STC2: variants seen among roughly 807,000 people sequenced by gnomAD.
STC2 encodes the protein stanniocalcin-2.
STC2 carries 7 observed loss-of-function variants against 22.7 expected under a neutral mutation model. That is an observed-to-expected ratio of 0.31 (90% confidence interval 0.18 to 0.58). The LOEUF is 0.58. Ranked by LOEUF, STC2 falls within the 20% of genes least tolerant of loss-of-function variation. The probability of loss-of-function intolerance (pLI) is 0.89; values close to 1 mark genes in which losing one functional copy is unlikely to be tolerated. For missense variants in STC2, 336 were observed against 406.2 expected (o/e 0.83, Z 1.48); for synonymous variants, 158 against 163.4 (o/e 0.97, Z 0.25).
At chr5:173,319,372 T>C (rs570785788) in intron 3 of STC2, among the ~76,000 whole-genome samples, 3 of 152,322 alleles carry the variant, frequency 2.0e-5, no homozygotes, top group African/African-American at 7.2e-5. Context: ...CTAACCAGCA[T>C]TCCTAGGCAG....
chr5:173,319,297 C>T (rs1242400029), intron 3 of STC2, among the ~76,000 whole-genome samples: 1 of 152,222 alleles, frequency 6.6e-6, no homozygotes, highest in African/African-American at 2.4e-5. Context: ...ACTCACTGAG[C>T]TTTTATTTTA....
At position 173,316,583 on chromosome 5, in the gene STC2, C is replaced by G. The variant is rs1419418329; in HGVS notation, c.*1264G>C. 6.6e-6 allele frequency: 1 copy of G among 151,998 alleles called. No homozygotes were observed. The highest frequency in any genetic ancestry group is 1.5e-5 in the Non-Finnish European group (1 of 68,018). The allele number at this position is 151,998 out of a possible 1,614,324, so 9.4% of individuals were successfully genotyped here. Reference sequence around the variant, plus strand: ...TCTCTTCTCTCTGCCTTTATTTGTCCCCTTGGACTCCTCTCCTTATTGCTA... The same window carrying G: ...TCTCTTCTCTCTGCCTTTATTTGTCGCCTTGGACTCCTCTCCTTATTGCTA... On this transcript the variant is annotated 3_prime_UTR_variant, in exon 4 of 4. Coordinates refer to ENST00000265087, the MANE Select transcript of STC2 (RefSeq NM_003714.3).
At position 173,317,816 on chromosome 5, in the gene STC2, G is replaced by A. The variant is rs781543591; in HGVS notation, c.*31C>T. 6.6e-7 allele frequency: 1 copy of A among 1,526,264 alleles called. No homozygotes were observed. Among genetic ancestry groups the A allele is most frequent in the South Asian group, 1.3e-5 (1 of 78,302 alleles). 94.5% of individuals were successfully genotyped at this position (1,526,264 alleles called of 1,614,324 possible). ...CATAGATAAGAAAATGGACGGCGTG[G>A]AGGAAAGATTTCGTGGCCAGGCCTT... On this transcript the variant is annotated 3_prime_UTR_variant, in exon 4 of 4. Transcript: ENST00000265087.
chr5:173,321,117 G>A (rs935437606), intron 3 of STC2, among the ~76,000 whole-genome samples: 1 of 151,948 alleles, frequency 6.6e-6, no homozygotes, highest in African/African-American at 2.4e-5. Context: ...AGGCTGGGGT[G>A]GGGGGTCATA....
rs559871891 is a variant in STC2 at position 173,321,127 on chromosome 5, A to G, written c.506+2092T>C. ...AGAGCAGGCTGGGGTGGGGGGTCAT[A>G]GGCTCATTCTGAATGGTGTGAGGAG... On this transcript the variant is annotated intron_variant, in intron 3 of 3. Coordinates refer to ENST00000265087, the MANE Select transcript of STC2 (RefSeq NM_003714.3). Among the ~76,000 whole-genome samples, 8 of 151,518 alleles carry G rather than the reference A, an allele frequency of 5.3e-5. 1 individual carries two copies. The South Asian group carries it at 1.7e-3, about 32-fold the overall frequency.
Position 173,317,562 on chromosome 5 carries a change from C to A in STC2, c.*285G>T. 1 of 245,244 alleles carries A rather than the reference C, an allele frequency of 4.1e-6. No individual in the cohort carries two copies. The highest frequency in any genetic ancestry group is 7.8e-6 in the Non-Finnish European group (1 of 127,842). 15.2% of individuals were successfully genotyped at this position (245,244 alleles called of 1,614,324 possible). ...CCCCCACAACAGAGCGGCCGACACC[C>A]ACTGACTCCACAGATGGAAAGAAGA... On this transcript the variant is annotated 3_prime_UTR_variant, in exon 4 of 4. Transcript: ENST00000265087.
Position 173,325,859 on chromosome 5 carries a change from G to A in STC2, c.294+9C>T. The A allele has an allele frequency of 1.2e-6, 2 of 1,614,092 alleles. No homozygotes were observed. The highest frequency in any genetic ancestry group is 1.7e-6 in the Non-Finnish European group (2 of 1,179,986). On this transcript the variant is annotated intron_variant, in intron 2 of 3. Transcript: ENST00000265087. This position sits in a 1 kb window ranked among gnomAD's most constrained non-coding sequence, Gnocchi z 4.7. ...CCAAACATTCTTCATGCTCTGGATG[G>A]ATTTTTACCTGGGCATCAAATTTTC... is the stretch of plus-strand genomic sequence containing the variant.
At chr5:173,318,699 C>T (rs1279725336) in intron 3 of STC2, among the ~76,000 whole-genome samples, 1 of 152,168 alleles carries the variant, frequency 6.6e-6, no homozygotes, top group Non-Finnish European at 1.5e-5. Context: ...GACTTCCAAA[C>T]AGAGGATTCT....
At position 173,315,062 on chromosome 5, in the gene STC2, G is replaced by A. The variant is rs1310229277; in HGVS notation, c.*2785C>T. On this transcript the variant is annotated 3_prime_UTR_variant, in exon 4 of 4. Coordinates refer to ENST00000265087, the MANE Select transcript of STC2 (RefSeq NM_003714.3). ...GGTCCTCTCACTTCAGAATAACAGG[G>A]CTATTTATTGATACAAAGGAGAGGT... 1 of 152,090 alleles carries A rather than the reference G, an allele frequency of 6.6e-6. No homozygotes were observed. Among genetic ancestry groups the A allele is most frequent in the Non-Finnish European group, 1.5e-5 (1 of 68,006 alleles). 9.4% of individuals were successfully genotyped at this position (152,090 alleles called of 1,614,324 possible).
In STC2 at chr5:173,321,118, G is replaced by C. The variant is rs1370551292; in HGVS notation, c.506+2101C>G. Among the ~76,000 whole-genome samples, 3 of 152,104 alleles carry C rather than the reference G, an allele frequency of 2.0e-5. No homozygotes were observed. In the East Asian group the frequency reaches 5.8e-4, roughly 30 times the overall value. ...TGCATTTCCAGAGCAGGCTGGGGTG[G>C]GGGGTCATAGGCTCATTCTGAATGG... On this transcript the variant is annotated intron_variant, in intron 3 of 3. Coordinates refer to ENST00000265087, the MANE Select transcript of STC2 (RefSeq NM_003714.3).
chr5:173,325,476 C>T lies in STC2; in HGVS notation c.294+392G>A, dbSNP rs1006077498. Among the ~76,000 whole-genome samples the T allele has an allele frequency of 6.6e-6, 1 of 152,210 alleles. No homozygotes were observed. Among genetic ancestry groups the T allele is most frequent in the Non-Finnish European group, 1.5e-5 (1 of 68,036 alleles). ...GAGTTATTCGGGTTGGCTGCCCACA[C>T]ACCACATGACGGATTTCTACATACT... On this transcript the variant is annotated intron_variant, in intron 2 of 3. Coordinates refer to ENST00000265087, the MANE Select transcript of STC2 (RefSeq NM_003714.3). This position sits in a 1 kb window ranked among gnomAD's most constrained non-coding sequence, Gnocchi z 4.7.
At chr5:173,318,587 G>A (rs1762453584) in intron 3 of STC2, among the ~76,000 whole-genome samples, 2 of 152,164 alleles carry the variant, frequency 1.3e-5, no homozygotes, top group African/African-American at 4.8e-5. Context: ...AGAGCTCTGG[G>A]TGCCTTTAGG....
At position 173,317,566 on chromosome 5, in the gene STC2, G is replaced by A. The variant is rs369834323; in HGVS notation, c.*281C>T. On this transcript the variant is annotated 3_prime_UTR_variant, in exon 4 of 4. Coordinates refer to ENST00000265087, the MANE Select transcript of STC2 (RefSeq NM_003714.3). The stretch of plus-strand genomic sequence containing the variant: ...CACAACAGAGCGGCCGACACCCACT[G>A]ACTCCACAGATGGAAAGAAGACAAA... 2.0e-5 allele frequency: 5 copies of A among 250,688 alleles called. No individual in the cohort carries two copies. Among genetic ancestry groups the A allele is most frequent in the African/African-American group, 1.1e-4 (5 of 45,078 alleles). 15.5% of individuals were successfully genotyped at this position (250,688 alleles called of 1,614,324 possible). A position where few individuals can be genotyped will look rare whatever the true frequency, so the allele number is the denominator to read the frequency against.
chr5:173,320,926 A>G (rs1451612719), intron 3 of STC2, among the ~76,000 whole-genome samples: 2 of 151,756 alleles, frequency 1.3e-5, no homozygotes, highest in African/African-American at 4.8e-5. Context: ...AAAAACAGGC[A>G]GTTCAGCTAG....
Position 173,328,352 on chromosome 5 carries a change from AC to A in STC2, c.-160del. ...CGCGGCCGCGGCTCGGATAGAGGTT[AC>A]CCAGCGCCCTCCCGTAGCTCTCCGG... On this transcript the variant is annotated 5_prime_UTR_variant, in exon 1 of 4. It removes the in-frame stop codon of an upstream open reading frame in the 5' UTR. Coordinates refer to ENST00000265087, the MANE Select transcript of STC2 (RefSeq NM_003714.3). The A allele has an allele frequency of 1.4e-6, 1 of 722,616 alleles. No individual in the cohort carries two copies. The allele number at this position is 722,616 out of a possible 1,614,324, so 44.8% of individuals were successfully genotyped here.
At chr5:173,319,201 G>A (rs1019558304) in intron 3 of STC2, among the ~76,000 whole-genome samples, 2 of 152,202 alleles carry the variant, frequency 1.3e-5, no homozygotes, top group African/African-American at 4.8e-5. Context: ...GGGTGGACAA[G>A]GTGTGCAGAA....
intron 1 of STC2, 93 bp downstream of exon 1, chr5:173,327,950 C>G: frequency 7.3e-7 from 1 of 1,377,498 alleles, no homozygotes; most frequent in Middle Eastern, 2.8e-4. Context: ...CCTGGGTGGG[C>G]GCCTGGCTCC....
At chr5:173,322,149 G>A (rs1230473119) in intron 3 of STC2, among the ~76,000 whole-genome samples, 1 of 152,206 alleles carries the variant, frequency 6.6e-6, no homozygotes, top group Non-Finnish European at 1.5e-5. Flanking sequence ...TGAGGATCAA[G>A]AGTTCATAAA....
chr5:173,326,881 C>T (rs911331977), intron 1 of STC2: 15 of 152,180 alleles, frequency 9.9e-5, no homozygotes, highest in Admixed American at 8.5e-4. Context: ...TTTAAATCAA[C>T]CACAAAATTA....
Sources: allele counts gnomAD v4.1 joint callset (sites outside exome capture counted in the v4.1 genomes callset), GRCh38; gene constraint gnomAD v4.1.1; non-coding constraint Gnocchi (gnomAD v3.1); transcripts MANE v1.5; gene names NCBI Gene and HGNC (gene_info 2026-07-23, HGNC 2026-07-21).